Variants in ENTPD1 observed in about 807,000 individuals in gnomAD.
ENTPD1 encodes ectonucleoside triphosphate diphosphohydrolase 1, also known as ATP diphosphohydrolase.
Under a neutral mutation model 57.0 loss-of-function variants are expected in ENTPD1, and 33 were observed. The ratio of observed to expected loss-of-function variants is 0.58; its 90% CI spans 0.44 to 0.77. The LOEUF (loss-of-function observed/expected upper bound fraction) is 0.77, where lower values mean the gene tolerates loss of function less well. ENTPD1 is among the 30% of genes least tolerant of loss of function. ENTPD1 has a pLI of 0.00. For missense variants in ENTPD1, 501 were observed against 603.4 expected (o/e 0.83, Z 1.78); for synonymous variants, 202 against 218.8 (o/e 0.92, Z 0.68).
Position 95,872,465 on chromosome 10 carries a change from T to G in ENTPD1, c.*6082T>G, listed in dbSNP as rs1282429312. The G allele has an allele frequency of 1.0e-6, 1 of 985,184 alleles. No homozygotes were observed. The highest frequency in any genetic ancestry group is 6.1e-5 in the Admixed American group (1 of 16,272). The allele number at this position is 985,184 out of a possible 1,614,324, so 61.0% of individuals were successfully genotyped here. On this transcript the variant is annotated 3_prime_UTR_variant, in exon 10 of 10. Coordinates refer to ENST00000371205, the MANE Select transcript of ENTPD1 (RefSeq NM_001776.6). ...TTGTCTTCTCAACTTGGAATACTCTTGCACCTTCAAAGCTCATTTCAAATG... is the reference window on the plus strand; with the variant it reads ...TTGTCTTCTCAACTTGGAATACTCTGGCACCTTCAAAGCTCATTTCAAATG...
At chr10:95,842,320 G>A in intron 3 of ENTPD1, 24 bp from the exon 4 acceptor site, 2 of 1,598,328 alleles carry the variant, frequency 1.3e-6, no homozygotes, top group South Asian at 1.1e-5. Flanking sequence ...TTAAAAGATT[G>A]TTATCTTCTA....
rs1336355177 is a variant in ENTPD1, at chr10:95,744,949, CATTT to C, written c.37+32964_37+32967del. Among the ~76,000 whole-genome samples the C allele has an allele frequency of 2.6e-5, 4 of 152,210 alleles. No individual in the cohort carries two copies. The East Asian group carries it at 5.8e-4, about 22-fold the overall frequency. ...CCCTGATGAATCTTTGGTAATCACT[CATTT>C]ATTTATTGTCTCTCTTTAAAGTAAG... On this transcript the variant is annotated intron_variant, in intron 1 of 9. Transcript: ENST00000453258.
intron 1 of ENTPD1, among the ~76,000 whole-genome samples, chr10:95,712,841 T>C (rs181958273): frequency 2.4e-4 from 36 of 152,244 alleles, no homozygotes; most frequent in African/African-American, 8.7e-4. Context: ...GAGACCATCC[T>C]GGCTAACACG....
chr10:95,817,937 T>C (rs2098335579), intron 1 of ENTPD1, among the ~76,000 whole-genome samples: 1 of 152,224 alleles, frequency 6.6e-6, no homozygotes, highest in Non-Finnish European at 1.5e-5. Context: ...TAAGTAATTA[T>C]TGAGTGACCA....
chr10:95,792,985 G>A (rs1479778609), intron 1 of ENTPD1, among the ~76,000 whole-genome samples: 1 of 152,148 alleles, frequency 6.6e-6, no homozygotes, highest in Non-Finnish European at 1.5e-5. Flanking sequence ...CCAGGGTGCT[G>A]GTCTTGGGCT....
rs907280478 is a variant in ENTPD1 at position 95,873,054 on chromosome 10, T to G, written c.*6671T>G. 13 of 934,976 alleles carry G rather than the reference T, an allele frequency of 1.4e-5. No homozygotes were observed. Among genetic ancestry groups the G allele is most frequent in the African/African-American group, 1.1e-4 (6 of 56,214 alleles). 57.9% of individuals were successfully genotyped at this position (934,976 alleles called of 1,614,324 possible). On this transcript the variant is annotated 3_prime_UTR_variant, in exon 10 of 10. Coordinates refer to ENST00000371205, the MANE Select transcript of ENTPD1 (RefSeq NM_001776.6). ...CCCAGGGATTTTGTTGAAATAAAAA[T>G]TATTTAATTTTAATTAATATAAATA...
At chr10:95,771,597 G>A (rs942000744) in intron 1 of ENTPD1, among the ~76,000 whole-genome samples, 2 of 152,036 alleles carry the variant, frequency 1.3e-5, no homozygotes, top group East Asian at 1.9e-4. Flanking sequence ...GTGATGTCCC[G>A]TATGACTCCT....
intron 1 of ENTPD1, among the ~76,000 whole-genome samples, chr10:95,811,065 A>G (rs892079521): frequency 3.3e-5 from 5 of 152,242 alleles, no homozygotes; most frequent in African/African-American, 9.6e-5. Context: ...CAGTGTTACC[A>G]TAGACATTTA....
At chr10:95,759,430 T>C (rs1021538820) in intron 1 of ENTPD1, among the ~76,000 whole-genome samples, 1 of 152,230 alleles carries the variant, frequency 6.6e-6, no homozygotes, top group Non-Finnish European at 1.5e-5. Context: ...TAGCCAACTT[T>C]GCTTTCTCTG....
rs1376540793 is a variant in ENTPD1 at position 95,870,015 on chromosome 10, T to C, written c.*3632T>C. ...ACACAGGAACTAAGCCCTCATTGTC[T>C]TTCCCTTGGGAGGTAGTTTAAAGAG... On this transcript the variant is annotated 3_prime_UTR_variant, in exon 10 of 10. Transcript: ENST00000371205. The C allele has an allele frequency of 3.0e-6, 3 of 985,362 alleles. No homozygotes were observed. Among genetic ancestry groups the C allele is most frequent in the South Asian group, 4.7e-5 (1 of 21,296 alleles). The allele number at this position is 985,362 out of a possible 1,614,324, so 61.0% of individuals were successfully genotyped here.
chr10:95,719,288 G>T (rs2097974957), intron 1 of ENTPD1, among the ~76,000 whole-genome samples: 1 of 152,154 alleles, frequency 6.6e-6, no homozygotes, highest in Non-Finnish European at 1.5e-5. Context: ...CGCTCCGTTG[G>T]CAAGCTTAAT....
intron 1 of ENTPD1, among the ~76,000 whole-genome samples, chr10:95,737,830 C>A (rs1261913952): frequency 6.6e-5 from 10 of 152,196 alleles, no homozygotes. Flanking sequence ...GGAACAGCCA[C>A]CTTTGTTGCA....
intron 1 of ENTPD1, among the ~76,000 whole-genome samples, chr10:95,718,607 G>A (rs1033770854): frequency 2.2e-4 from 33 of 152,284 alleles, no homozygotes; most frequent in African/African-American, 7.5e-4. Flanking sequence ...AGAACTAGGT[G>A]AGCATACTTA....
chr10:95,872,586 G>A lies in ENTPD1; in HGVS notation c.*6203G>A. On this transcript the variant is annotated 3_prime_UTR_variant, in exon 10 of 10. Transcript: ENST00000371205. ...TTAACTGAGCCTCCATTAGTGCACT[G>A]AGACCATTCTGTTCAGTGTCTGGGT... 2.0e-6 allele frequency: 2 copies of A among 985,396 alleles called. No homozygotes were observed. The highest frequency in any genetic ancestry group is 9.4e-5 in the South Asian group (2 of 21,290). 61.0% of individuals were successfully genotyped at this position (985,396 alleles called of 1,614,324 possible). A position where few individuals can be genotyped will look rare whatever the true frequency, so the allele number is the denominator to read the frequency against.
At chr10:95,737,291 A>G (rs1351725375) in intron 1 of ENTPD1, among the ~76,000 whole-genome samples, 1 of 152,210 alleles carries the variant, frequency 6.6e-6, no homozygotes, top group Non-Finnish European at 1.5e-5. Context: ...AGTGCTATGA[A>G]GAATGAATAG....
At chr10:95,775,348 G>C (rs2140133526) in intron 1 of ENTPD1, among the ~76,000 whole-genome samples, 1 of 152,280 alleles carries the variant, frequency 6.6e-6, no homozygotes, top group East Asian at 1.9e-4. Context: ...GCCCTGGCCA[G>C]AACTTCCAAC....
intron 1 of ENTPD1, among the ~76,000 whole-genome samples, chr10:95,762,209 C>CA (rs59588135): frequency 0.25 from 19,316 of 78,500 alleles, 1,788 homozygotes; most frequent in African/African-American, 0.38. Flanking sequence ...TAAAAAGAAG[C>CA]AAAAAAAAAA....
rs923625022 is a variant in ENTPD1, at chr10:95,876,167, C to T, written c.*9784C>T. 4 of 984,670 alleles carry T rather than the reference C, an allele frequency of 4.1e-6. No homozygotes were observed. In the African/African-American group the frequency reaches 7.0e-5, roughly 17 times the overall value. The allele number at this position is 984,670 out of a possible 1,614,324, so 61.0% of individuals were successfully genotyped here. On this transcript the variant is annotated 3_prime_UTR_variant, in exon 10 of 10. Transcript: ENST00000371205. ...CAGTTTTGAAAATGCAACATTTGTACTCCACATTGTCAGTTTTCTTAGGTA... is the reference window on the plus strand; with the variant it reads ...CAGTTTTGAAAATGCAACATTTGTATTCCACATTGTCAGTTTTCTTAGGTA...
At chr10:95,746,729 C>T (rs2098006486) in intron 1 of ENTPD1, among the ~76,000 whole-genome samples, 1 of 152,214 alleles carries the variant, frequency 6.6e-6, no homozygotes, top group African/African-American at 2.4e-5. Flanking sequence ...TCCTACCCTG[C>T]ACCACAGTGT....
Sources: gnomAD v4.1 joint callset for allele counts (sites outside exome capture counted in the v4.1 genomes callset) on GRCh38, gnomAD v4.1.1 for gene constraint, MANE v1.5 for transcripts, NCBI Gene and HGNC (gene_info 2026-07-23, HGNC 2026-07-21) for gene names.